AMPD3: variants seen among roughly 807,000 people sequenced by gnomAD.
AMPD3 encodes AMP deaminase 3.
Under a neutral mutation model 82.3 loss-of-function variants are expected in AMPD3, and 57 were observed. The observed-to-expected ratio is 0.69, with a 90% CI of 0.56 to 0.86. AMPD3 has a LOEUF of 0.86. Among genes scored for constraint, AMPD3 ranks in the 40% least tolerant of loss-of-function variants. AMPD3 has a pLI of 0.00. For missense variants in AMPD3, 870 were observed against 1,003.8 expected, an observed-to-expected ratio of 0.87 and a Z score of 1.80; for synonymous variants, 381 against 394.7, an observed-to-expected ratio of 0.97 and a Z score of 0.41.
At chr11:10,494,811 C>T (rs1467705487) in intron 7 of AMPD3, 88 bp from the exon 8 acceptor site, 9 of 1,578,330 alleles carry the variant, frequency 5.7e-6, no homozygotes, top group Non-Finnish European at 7.8e-6. Flanking sequence ...TGTGGCCATA[C>T]AGAAGGCCGC....
At chr11:10,487,708 T>C (rs1849115840) in intron 6 of AMPD3, among the ~76,000 whole-genome samples, 1 of 152,180 alleles carries the variant, frequency 6.6e-6, no homozygotes, top group Non-Finnish European at 1.5e-5. Context: ...AGGGGATGTA[T>C]TAGAGTCATC....
In AMPD3 at chr11:10,461,705, G is replaced by A. The variant is rs1045502991; in HGVS notation, c.186G>A (p.Glu62=). The A allele has an allele frequency of 3.1e-6, 5 of 1,613,900 alleles. No individual in the cohort carries two copies. The highest frequency in any genetic ancestry group is 2.7e-5 in the African/African-American group (2 of 74,948). Residue 62 remains glutamate, a synonymous_variant, in exon 2 of 15, where the codon GAG becomes GAA. Coordinates refer to ENST00000396553, the MANE Select transcript of AMPD3 (RefSeq NM_001025389.2). ...KEAKERELQK[E]LAEQKSVETA... Reference sequence around the variant, plus strand: ...CCAAGGAGAGGGAGCTGCAGAAGGAGCTGGCAGAGCAGAAGTCTGTGGAGA... The same window carrying A: ...CCAAGGAGAGGGAGCTGCAGAAGGAACTGGCAGAGCAGAAGTCTGTGGAGA...
chr11:10,500,272 C>T (rs369101777), intron 11 of AMPD3, 23 bp downstream of exon 11: 48 of 1,613,756 alleles, frequency 3.0e-5, no homozygotes, highest in Non-Finnish European at 3.8e-5. Flanking sequence ...TGCCCTCGCA[C>T]ATGCTTGGGT....
chr11:10,473,155 A>C (rs558514591), intron 2 of AMPD3, among the ~76,000 whole-genome samples: 2 of 152,334 alleles, frequency 1.3e-5, no homozygotes, highest in African/African-American at 4.8e-5. Flanking sequence ...CTATGGTTCC[A>C]GCTTTTTGGT....
Position 10,458,235 on chromosome 11 carries a change from C to T in AMPD3, c.-6+2787C>T, listed in dbSNP as rs575519652. The stretch of plus-strand genomic sequence containing the variant: ...TCAGCCTCCCAAATTGCCTGGACAA[C>T]ATGGCAAAACCTCATCTCTAAAAAA... On this transcript the variant is annotated intron_variant, in intron 1 of 14. Transcript: ENST00000396553. Among the ~76,000 whole-genome samples the T allele has an allele frequency of 2.7e-5, 3 of 112,014 alleles. No homozygotes were observed. In the South Asian group the frequency reaches 8.4e-4, roughly 31 times the overall value. 73.5% of individuals were successfully genotyped at this position (112,014 alleles called of 152,430 possible). A position where few individuals can be genotyped will look rare whatever the true frequency, so the allele number is the denominator to read the frequency against.
rs539553592 is a variant in AMPD3, at chr11:10,504,259, G to A, written c.2017-290G>A. The A allele has an allele frequency of 8.1e-6, 8 of 983,168 alleles. No individual in the cohort carries two copies. In the African/African-American group the frequency reaches 1.2e-4, roughly 15 times the overall value. 60.9% of individuals were successfully genotyped at this position (983,168 alleles called of 1,614,324 possible). On this transcript the variant is annotated intron_variant, in intron 13 of 14. Transcript: ENST00000396553. ...TGGCATGACTAGAGGGCTTGTCACAGGAGAGCAGAGACTGCCATCCCTGAT... is the reference window on the plus strand; with the variant it reads ...TGGCATGACTAGAGGGCTTGTCACAAGAGAGCAGAGACTGCCATCCCTGAT...
chr11:10,467,092 A>G (rs1848443232), intron 2 of AMPD3, among the ~76,000 whole-genome samples: 2 of 152,146 alleles, frequency 1.3e-5, no homozygotes, highest in African/African-American at 4.8e-5. Flanking sequence ...AATTCCAAAA[A>G]CCAGAATGCC....
intron 10 of AMPD3, among the ~76,000 whole-genome samples, chr11:10,497,272 G>A (rs943187206): frequency 6.8e-6 from 1 of 147,472 alleles, no homozygotes; most frequent in Non-Finnish European, 1.5e-5. Context: ...GCCCCCGGCA[G>A]CACCAAGCAG....
At position 10,507,140 on chromosome 11, in the gene AMPD3, G is replaced by C. The variant is rs575529738; in HGVS notation, c.*1256G>C. 2 of 152,578 alleles carry C rather than the reference G, an allele frequency of 1.3e-5. No individual in the cohort carries two copies. Among genetic ancestry groups the C allele is most frequent in the South Asian group, 2.1e-4 (1 of 4,826 alleles). The allele number at this position is 152,578 out of a possible 1,614,324, so 9.5% of individuals were successfully genotyped here. A position where few individuals can be genotyped will look rare whatever the true frequency, so the allele number is the denominator to read the frequency against. ...TTGAATAACTAAGTGAATTTCTTTT[G>C]GCAACTTTTTAAGGACATGTGCTCT... is the stretch of plus-strand genomic sequence containing the variant. On this transcript the variant is annotated 3_prime_UTR_variant, in exon 15 of 15. Transcript: ENST00000396553.
At chr11:10,478,012 G>T (rs899561903) in intron 2 of AMPD3, 2 of 985,268 alleles carry the variant, frequency 2.0e-6, no homozygotes, top group Non-Finnish European at 2.4e-6. Flanking sequence ...CTCTCTTCTG[G>T]CTCCAATGCC....
At chr11:10,451,937 T>C (rs1847973915), upstream of AMPD3, among the ~76,000 whole-genome samples, 1 of 152,162 alleles carries the variant, frequency 6.6e-6, no homozygotes, top group Non-Finnish European at 1.5e-5. Flanking sequence ...ACTTCACACC[T>C]CTAGGAGTGT....
chr11:10,495,962 GCT>G lies in AMPD3; in HGVS notation c.1430+232_1430+233del, dbSNP rs1289625772. ...GACAGAGTCTCACTCTGTCACCCAG[GCT>G]CTGAGTGCAGTGGCATGATCTTGGC... On this transcript the variant is annotated intron_variant, in intron 9 of 14. Transcript: ENST00000396553. 3.3e-5 allele frequency among the ~76,000 whole-genome samples: 5 copies of G among 149,900 alleles called. No homozygotes were observed. The East Asian group carries it at 7.8e-4, about 23-fold the overall frequency.
chr11:10,474,949 A>T (rs1198762856), intron 2 of AMPD3, among the ~76,000 whole-genome samples: 1 of 152,222 alleles, frequency 6.6e-6, no homozygotes, highest in Non-Finnish European at 1.5e-5. Flanking sequence ...GCTTTCTAAC[A>T]GGGGCACCAG....
chr11:10,504,830 C>T (rs1849673749), intron 14 of AMPD3, among the ~76,000 whole-genome samples, 171 bp downstream of exon 14: 1 of 152,166 alleles, frequency 6.6e-6, no homozygotes, highest in Non-Finnish European at 1.5e-5. Flanking sequence ...ATGGCTGCTT[C>T]CTCACCCTTC....
chr11:10,495,104 G>A (rs1849354595), intron 8 of AMPD3, 74 bp downstream of exon 8: 3 of 1,612,528 alleles, frequency 1.9e-6, no homozygotes, highest in Non-Finnish European at 2.5e-6. Flanking sequence ...TGGGGGCCCT[G>A]TGTGCCCCTG....
chr11:10,505,667 C>A, intron 14 of AMPD3, 41 bp from the exon 15 acceptor site: 2 of 1,606,670 alleles, frequency 1.2e-6, no homozygotes, highest in South Asian at 2.2e-5. Flanking sequence ...GAAAGTGAAT[C>A]AAAAGTATAT....
intron 4 of AMPD3, chr11:10,484,580 C>T: frequency 1.2e-6 from 1 of 866,906 alleles, no homozygotes. Flanking sequence ...AAGTCTCTGC[C>T]TGCATGGAGT....
rs1005131587 is a variant in AMPD3, at chr11:10,494,616, T to A, written c.1135-283T>A. 6 of 985,304 alleles carry A rather than the reference T, an allele frequency of 6.1e-6. No individual in the cohort carries two copies. The African/African-American group carries it at 1.0e-4, about 17-fold the overall frequency. 61.0% of individuals were successfully genotyped at this position (985,304 alleles called of 1,614,324 possible). On this transcript the variant is annotated intron_variant, in intron 7 of 14. Coordinates refer to ENST00000396553, the MANE Select transcript of AMPD3 (RefSeq NM_001025389.2). ...TGTTCTATTATTCAGTGGTGCAGCCTCTCTGCTCACTAAGTCAGCCATGTC... is the reference window on the plus strand; with the variant it reads ...TGTTCTATTATTCAGTGGTGCAGCCACTCTGCTCACTAAGTCAGCCATGTC...
At chr11:10,494,832 T>TC in intron 7 of AMPD3, 67 bp from the exon 8 acceptor site, 1 of 1,584,552 alleles carries the variant, frequency 6.3e-7, no homozygotes, top group South Asian at 1.1e-5. Flanking sequence ...CTCGTAAAGG[T>TC]CTAGAGAGGG....
Sources: allele counts gnomAD v4.1 joint callset (sites outside exome capture counted in the v4.1 genomes callset), GRCh38; gene constraint gnomAD v4.1.1; transcripts MANE v1.5; gene names NCBI Gene and HGNC (gene_info 2026-07-23, HGNC 2026-07-21).